The following ADCY1 variants were observed in gnomAD, a reference collection of about 807,000 sequenced individuals.
ADCY1 encodes the protein adenylate cyclase 1.
In ADCY1, 28 loss-of-function variants were observed where a neutral mutation model predicts 105.4. That is an observed-to-expected ratio of 0.27 (90% CI 0.20 to 0.36). The LOEUF (loss-of-function observed/expected upper bound fraction) is 0.36, where lower values mean the gene tolerates loss of function less well. Among genes scored for constraint, ADCY1 ranks in the 10% least tolerant of loss-of-function variants. The pLI, the probability that ADCY1 is intolerant of heterozygous loss-of-function variation, is 1.00. For missense variants in ADCY1, 977 were observed against 1,434.2 expected, an observed-to-expected ratio of 0.68 and a Z score of 5.15; for synonymous variants, 655 against 623.8, an observed-to-expected ratio of 1.05 and a Z score of -0.75.
At chr7:45,688,091 A>G (rs1185828250) in intron 14 of ADCY1, among the ~76,000 whole-genome samples, 2 of 152,238 alleles carry the variant, frequency 1.3e-5, no homozygotes, top group Non-Finnish European at 2.9e-5. Context: ...GCATCAAGCC[A>G]TGCAGTTAAG....
At chr7:45,592,189 C>T (rs1364352367) in intron 1 of ADCY1, among the ~76,000 whole-genome samples, 1 of 152,040 alleles carries the variant, frequency 6.6e-6, no homozygotes, top group Non-Finnish European at 1.5e-5. Flanking sequence ...CAAAGCACCA[C>T]AGACTGGGCA....
chr7:45,697,285 C>T (rs1164720534), intron 14 of ADCY1, among the ~76,000 whole-genome samples: 1 of 151,862 alleles, frequency 6.6e-6, no homozygotes, highest in Non-Finnish European at 1.5e-5. Flanking sequence ...TGTACAGTGA[C>T]GGTGGACCTC....
intron 3 of ADCY1, among the ~76,000 whole-genome samples, chr7:45,610,946 GATAGTGGAGGTGTA>G (rs1793561476): frequency 6.6e-6 from 1 of 151,410 alleles, no homozygotes; most frequent in Non-Finnish European, 1.5e-5. Context: ...GTGAGGAGGT[GATAGTGGAGGTGTA>G]GAGGTGATGG....
intron 14 of ADCY1, among the ~76,000 whole-genome samples, chr7:45,695,137 C>G (rs1224406511): frequency 1.3e-5 from 2 of 152,240 alleles, no homozygotes; most frequent in African/African-American, 4.8e-5. Flanking sequence ...TGGGCCATTG[C>G]AGGCCTCATC....
intron 1 of ADCY1, among the ~76,000 whole-genome samples, chr7:45,582,886 C>T (rs942708126): frequency 6.6e-6 from 1 of 152,184 alleles, no homozygotes; most frequent in Non-Finnish European, 1.5e-5. Flanking sequence ...ACCGCAGCAG[C>T]CTAGCTCTGG....
intron 4 of ADCY1, among the ~76,000 whole-genome samples, chr7:45,633,810 A>G (rs1409896335): frequency 6.6e-6 from 1 of 151,968 alleles, no homozygotes; most frequent in Non-Finnish European, 1.5e-5. Flanking sequence ...CAAAAAAAAA[A>G]AAAAAAAAAA....
chr7:45,644,724 A>C (rs1190869180), intron 4 of ADCY1, among the ~76,000 whole-genome samples: 2 of 152,154 alleles, frequency 1.3e-5, no homozygotes, highest in Admixed American at 6.5e-5. Context: ...GCTTTATTGC[A>C]GTGGACTCTA....
chr7:45,704,352 C>T (rs894453147), intron 16 of ADCY1, among the ~76,000 whole-genome samples, 166 bp from the exon 17 acceptor site: 12 of 152,350 alleles, frequency 7.9e-5, no homozygotes, highest in Non-Finnish European at 1.5e-4. Flanking sequence ...CCTGCCTCAC[C>T]TCTTCTTGCC....
intron 14 of ADCY1, among the ~76,000 whole-genome samples, chr7:45,701,096 C>T (rs1035291227): frequency 2.6e-5 from 4 of 152,302 alleles, no homozygotes; most frequent in South Asian, 4.1e-4. Flanking sequence ...TGGATGGACA[C>T]GTGATTTTGT....
At position 45,715,913 on chromosome 7, in the gene ADCY1, T is replaced by A. The variant is rs1457876303; in HGVS notation, c.*1918T>A. 1 of 152,468 alleles carries A rather than the reference T, an allele frequency of 6.6e-6. No individual in the cohort carries two copies. Among genetic ancestry groups the A allele is most frequent in the African/African-American group, 2.4e-5 (1 of 41,444 alleles). The allele number at this position is 152,468 out of a possible 1,614,324, so 9.4% of individuals were successfully genotyped here. The stretch of plus-strand genomic sequence containing the variant: ...GGCAGGATGGTCTCCAGACACCTTC[T>A]TGCAGAGTGATTTTGACCAATGCCT... On this transcript the variant is annotated 3_prime_UTR_variant, in exon 20 of 20. Coordinates refer to ENST00000297323, the MANE Select transcript of ADCY1 (RefSeq NM_021116.4).
At chr7:45,688,508 C>CTCTAGTTTTATTCA in intron 14 of ADCY1, among the ~76,000 whole-genome samples, 1 of 152,250 alleles carries the variant, frequency 6.6e-6, no homozygotes, top group South Asian at 2.1e-4. Flanking sequence ...CAATTGTTTC[C>CTCTAGTTTTATTCA]TCTAGTTTTA....
chr7:45,602,535 A>C lies in ADCY1; in HGVS notation c.790-7844A>C, dbSNP rs540785395. 2.0e-5 allele frequency among the ~76,000 whole-genome samples: 3 copies of C among 152,344 alleles called. No individual in the cohort carries two copies. The South Asian group carries it at 6.2e-4, about 32-fold the overall frequency. ...ACACACTCAATTTGTTACCCTAACA[A>C]GGTAAATGGAACAATTTTGAGTTCT... On this transcript the variant is annotated intron_variant, in intron 2 of 19. Coordinates refer to ENST00000297323, the MANE Select transcript of ADCY1 (RefSeq NM_021116.4).
At chr7:45,640,846 C>G (rs1794510534) in intron 4 of ADCY1, among the ~76,000 whole-genome samples, 1 of 152,118 alleles carries the variant, frequency 6.6e-6, no homozygotes, top group African/African-American at 2.4e-5. Context: ...TGCTCATTTA[C>G]CTCTCAGGGC....
chr7:45,682,273 A>G (rs545177668), intron 11 of ADCY1, among the ~76,000 whole-genome samples: 5 of 152,226 alleles, frequency 3.3e-5, no homozygotes, highest in African/African-American at 1.2e-4. Flanking sequence ...AATCCTGTCC[A>G]TCTTGACCAT....
chr7:45,682,448 G>A (rs1290514791), intron 11 of ADCY1, among the ~76,000 whole-genome samples: 1 of 152,186 alleles, frequency 6.6e-6, no homozygotes, highest in Admixed American at 6.5e-5. Context: ...CCCAGGAGGT[G>A]TGCACTGGCT....
At chr7:45,613,547 A>G (rs1393900905) in intron 3 of ADCY1, among the ~76,000 whole-genome samples, 1 of 152,164 alleles carries the variant, frequency 6.6e-6, no homozygotes. Flanking sequence ...CACATTATAT[A>G]TATATTTTCA....
At chr7:45,634,823 G>C (rs564805890) in intron 4 of ADCY1, among the ~76,000 whole-genome samples, 7 of 152,206 alleles carry the variant, frequency 4.6e-5, no homozygotes, top group African/African-American at 1.7e-4. Flanking sequence ...GATTTGTATT[G>C]CATTATCCTT....
intron 4 of ADCY1, among the ~76,000 whole-genome samples, chr7:45,638,151 A>C (rs1584292385): frequency 6.6e-6 from 1 of 152,246 alleles, no homozygotes; most frequent in African/African-American, 2.4e-5. Context: ...ACAAAAAAAA[A>C]CCTGGGTGAT....
At chr7:45,586,890 G>A (rs759803621) in intron 1 of ADCY1, among the ~76,000 whole-genome samples, 2 of 152,216 alleles carry the variant, frequency 1.3e-5, no homozygotes, top group Non-Finnish European at 2.9e-5. Context: ...AGTGCTGTTG[G>A]TTCATATGAG....
Sources: allele counts gnomAD v4.1 joint callset (sites outside exome capture counted in the v4.1 genomes callset), GRCh38; gene constraint gnomAD v4.1.1; transcripts MANE v1.5; gene names NCBI Gene and HGNC (gene_info 2026-07-23, HGNC 2026-07-21).